The following PCDHA7 variants were observed in gnomAD, a reference collection of about 807,000 sequenced individuals.
The protein encoded by PCDHA7 is protocadherin alpha 7.
A neutral mutation model predicts 57.2 loss-of-function variants in PCDHA7; 37 were observed. The ratio of observed to expected loss-of-function variants is 0.65; its 90% CI spans 0.50 to 0.85. The LOEUF is 0.85. Among genes scored for constraint, PCDHA7 ranks in the 40% least tolerant of loss-of-function variants. The pLI is 0.00. For missense variants in PCDHA7, 1,188 were observed against 1,241.8 expected, an observed-to-expected ratio of 0.96 and a Z score of 0.65; for synonymous variants, 553 against 558.8, an observed-to-expected ratio of 0.99 and a Z score of 0.15.
At chr5:140,964,862 A>G (rs560839818) in intron 1 of PCDHA7, among the ~76,000 whole-genome samples, 1 of 152,316 alleles carries the variant, frequency 6.6e-6, no homozygotes, top group South Asian at 2.1e-4. Context: ...GGAAACAAAG[A>G]GGACAAATAA....
chr5:140,989,128 G>A (rs2097330831), intron 3 of PCDHA7: 1 of 152,178 alleles, frequency 6.6e-6, no homozygotes, highest in Non-Finnish European at 1.5e-5. Flanking sequence ...AGAAAAATAA[G>A]ACACTTTATC....
At chr5:140,922,916 C>T (rs2081069739) in intron 1 of PCDHA7, among the ~76,000 whole-genome samples, 1 of 152,146 alleles carries the variant, frequency 6.6e-6, no homozygotes, top group South Asian at 2.1e-4. Context: ...TACAAATAAA[C>T]TTCAGACTTT....
chr5:140,843,189 G>A (rs200720426), intron 1 of PCDHA7: 5 of 1,595,874 alleles, frequency 3.1e-6, no homozygotes, highest in Non-Finnish European at 4.3e-6. Flanking sequence ...ATCCCGTTCC[G>A]CGTGGGGCTG....
chr5:140,973,384 CAAAG>C (rs1250756648), intron 1 of PCDHA7, among the ~76,000 whole-genome samples: 4 of 152,194 alleles, frequency 2.6e-5, no homozygotes, highest in Non-Finnish European at 5.9e-5. Context: ...TCAGAATAGA[CAAAG>C]AAATCATATC....
intron 1 of PCDHA7, chr5:140,857,302 G>T: frequency 6.3e-7 from 1 of 1,598,652 alleles, no homozygotes; most frequent in Non-Finnish European, 8.6e-7. Flanking sequence ...AGAGGGTGTC[G>T]GCCTATGAGC....
intron 1 of PCDHA7, chr5:140,883,939 C>T (rs782266148): frequency 6.2e-7 from 1 of 1,613,422 alleles, no homozygotes; most frequent in Non-Finnish European, 8.5e-7. Context: ...TCGTGCTGGA[C>T]GAGAACGACA....
intron 1 of PCDHA7, chr5:140,862,381 C>G (rs191367875): frequency 4.0e-5 from 14 of 346,954 alleles, no homozygotes; most frequent in Non-Finnish European, 7.4e-5. Flanking sequence ...TGACTCCTCA[C>G]GTCTCTTCAA....
At chr5:140,858,550 C>G (rs1554151768) in intron 1 of PCDHA7, 1 of 1,392,416 alleles carries the variant, frequency 7.2e-7, no homozygotes, top group Non-Finnish European at 9.9e-7. Context: ...TCCATTTATG[C>G]TTGAATATTT....
At chr5:140,940,194 G>T (rs1455968152) in intron 1 of PCDHA7, among the ~76,000 whole-genome samples, 4 of 152,118 alleles carry the variant, frequency 2.6e-5, no homozygotes, top group East Asian at 1.9e-4. Context: ...TTTTACATGG[G>T]TGTAAAATTC....
chr5:140,870,825 C>A (rs1554164734), intron 1 of PCDHA7: 6 of 1,613,726 alleles, frequency 3.7e-6, no homozygotes, highest in East Asian at 2.2e-5. Flanking sequence ...GCGCGGGAGG[C>A]GCAGTTAACA....
rs371505360 is a variant in PCDHA7, at chr5:140,882,840, C to T, written c.2355+46102C>T. 3.2e-5 allele frequency: 51 copies of T among 1,614,214 alleles called. 1 individual carries two copies. The African/African-American group carries it at 5.6e-4, about 18-fold the overall frequency. ...CAAAACAGTCTTGAGCAAATGTCTTCATTATCACTTGTACTGAGGAAAACA... is the reference window on the plus strand; with the variant it reads ...CAAAACAGTCTTGAGCAAATGTCTTTATTATCACTTGTACTGAGGAAAACA... On this transcript the variant is annotated intron_variant, in intron 1 of 3. Transcript: ENST00000525929.
chr5:140,966,740 C>T lies in PCDHA7; in HGVS notation c.2356-12209C>T, dbSNP rs782420339. 10 of 1,422,580 alleles carry T rather than the reference C, an allele frequency of 7.0e-6. No individual in the cohort carries two copies. In the Admixed American group the frequency reaches 8.4e-5, roughly 12 times the overall value. 88.1% of individuals were successfully genotyped at this position (1,422,580 alleles called of 1,614,324 possible). ...GGAAGCTGCCGCCTCCGGCCCTGCC[C>T]GGCTGCCTCCGCCGCGGCCAGTGGC... On this transcript the variant is annotated intron_variant, in intron 1 of 3. Transcript: ENST00000525929.
chr5:140,840,610 C>T (rs1488564002), intron 1 of PCDHA7, among the ~76,000 whole-genome samples: 1 of 151,912 alleles, frequency 6.6e-6, no homozygotes, highest in Admixed American at 6.6e-5. Context: ...AAGTGAGAGG[C>T]TGAATTTAAC....
intron 3 of PCDHA7, among the ~76,000 whole-genome samples, chr5:140,984,059 C>A (rs1269975627): frequency 6.6e-6 from 1 of 152,108 alleles, no homozygotes; most frequent in East Asian, 1.9e-4. Flanking sequence ...CAAATCTGTA[C>A]CCTCAGTGCC....
intron 1 of PCDHA7, chr5:140,969,097 C>G (rs2096295003): frequency 6.2e-7 from 1 of 1,614,072 alleles, no homozygotes; most frequent in African/African-American, 1.3e-5. Flanking sequence ...TGCAGCCTCA[C>G]TTCATTGAAG....
chr5:140,872,582 G>A (rs535860760), intron 1 of PCDHA7, among the ~76,000 whole-genome samples: 8 of 152,084 alleles, frequency 5.3e-5, no homozygotes, highest in Non-Finnish European at 1.2e-4. Flanking sequence ...ACCTATCATC[G>A]TGAGACCCCC....
At chr5:140,968,626 T>C in intron 1 of PCDHA7, 1 of 1,614,156 alleles carries the variant, frequency 6.2e-7, no homozygotes. Context: ...ATGCTTGGCT[T>C]TTTTACCATC....
intron 1 of PCDHA7, chr5:140,875,402 CT>C (rs2055455404): frequency 6.7e-7 from 1 of 1,488,754 alleles, no homozygotes; most frequent in African/African-American, 1.4e-5. Flanking sequence ...AGGGTGACTG[CT>C]CATAAAATAC....
intron 1 of PCDHA7, among the ~76,000 whole-genome samples, chr5:140,838,786 G>C (rs1554137197): frequency 6.6e-6 from 1 of 151,962 alleles, no homozygotes; most frequent in African/African-American, 2.4e-5. Context: ...GCTATGCATG[G>C]TGATGCATGT....
Sources: gnomAD v4.1 joint callset for allele counts (sites outside exome capture counted in the v4.1 genomes callset) on GRCh38, gnomAD v4.1.1 for gene constraint, MANE v1.5 for transcripts, NCBI Gene and HGNC (gene_info 2026-07-23, HGNC 2026-07-21) for gene names.